NTRK3: variants seen among roughly 807,000 people sequenced by gnomAD.
NTRK3 encodes NT-3 growth factor receptor.
NTRK3 carries 24 observed loss-of-function variants against 91.7 expected under a neutral mutation model. That is an observed-to-expected ratio of 0.26 (90% confidence interval 0.19 to 0.37). The LOEUF (loss-of-function observed/expected upper bound fraction) is 0.37. Among genes scored for constraint, NTRK3 ranks in the 10% least tolerant of loss-of-function variants. The pLI is 1.00. For missense variants in NTRK3, 880 were observed against 1,068.9 expected, an observed-to-expected ratio of 0.82 and a Z score of 2.46; for synonymous variants, 483 against 404.0, an observed-to-expected ratio of 1.20 and a Z score of -2.34.
chr15:88,043,173 C>A (rs1021471895), intron 13 of NTRK3, among the ~76,000 whole-genome samples: 1 of 152,152 alleles, frequency 6.6e-6, no homozygotes, highest in Non-Finnish European at 1.5e-5. Context: ...AAACAAGCAT[C>A]CTGGAGGGAA....
At chr15:88,037,917 G>T (rs943748843) in intron 13 of NTRK3, among the ~76,000 whole-genome samples, 1 of 152,184 alleles carries the variant, frequency 6.6e-6, no homozygotes, top group Non-Finnish European at 1.5e-5. Context: ...CCTGCCCAAG[G>T]ACAGATGCCT....
chr15:88,214,869 C>T (rs1010856763), intron 3 of NTRK3, among the ~76,000 whole-genome samples: 4 of 152,138 alleles, frequency 2.6e-5, no homozygotes, highest in East Asian at 3.9e-4. Context: ...GCAGGGCTGT[C>T]GGGGCTCATC....
intron 11 of NTRK3, among the ~76,000 whole-genome samples, chr15:88,128,235 T>C (rs1045183523): frequency 6.6e-6 from 1 of 152,246 alleles, no homozygotes; most frequent in Admixed American, 6.5e-5. Flanking sequence ...CAATAATTCC[T>C]TCTGAGGACA....
At chr15:88,098,601 G>A (rs1026622833) in intron 13 of NTRK3, 6 of 230,648 alleles carry the variant, frequency 2.6e-5, no homozygotes, top group African/African-American at 6.6e-5. Context: ...CCAGATAGCG[G>A]GCCAGCTATG....
chr15:87,928,106 A>C (rs2068483713), intron 17 of NTRK3: 1 of 152,308 alleles, frequency 6.6e-6, no homozygotes, highest in Non-Finnish European at 1.5e-5. Context: ...CAACCTCCCG[A>C]GTAGCTGGGA....
At chr15:87,865,542 A>G (rs2064645163) in exon 19 of NTRK3, 2 of 216,686 alleles carry the variant, frequency 9.2e-6, no homozygotes, top group Non-Finnish European at 1.9e-5. Flanking sequence ...CCATGTACAA[A>G]TGCTGGTCCT....
chr15:87,900,415 A>C (rs1321631866), intron 17 of NTRK3, among the ~76,000 whole-genome samples: 1 of 152,144 alleles, frequency 6.6e-6, no homozygotes, highest in Admixed American at 6.5e-5. Context: ...TAGTGAAAAG[A>C]GCACTGGATT....
intron 14 of NTRK3, among the ~76,000 whole-genome samples, chr15:88,012,091 C>T (rs924439790): frequency 6.6e-6 from 1 of 152,162 alleles, no homozygotes; most frequent in Non-Finnish European, 1.5e-5. Context: ...CCACCCTGTA[C>T]CCTACGGCCT....
intron 3 of NTRK3, among the ~76,000 whole-genome samples, chr15:88,212,512 G>A (rs1389913913): frequency 1.3e-5 from 2 of 152,194 alleles, no homozygotes; most frequent in Non-Finnish European, 2.9e-5. Context: ...GGCAAGGTGT[G>A]TAAAGGGTAA....
At chr15:87,973,063 C>G (rs920129865) in intron 14 of NTRK3, among the ~76,000 whole-genome samples, 1 of 152,128 alleles carries the variant, frequency 6.6e-6, no homozygotes, top group Non-Finnish European at 1.5e-5. Flanking sequence ...CATCCTGGCC[C>G]AGGAGCATAC....
At chr15:88,145,044 T>C (rs1482361674) in intron 6 of NTRK3, among the ~76,000 whole-genome samples, 2 of 152,110 alleles carry the variant, frequency 1.3e-5, no homozygotes, top group African/African-American at 4.8e-5. Context: ...GGGCCAAAAT[T>C]CTTTCTTCCT....
At chr15:87,952,751 C>A (rs569879807) in intron 14 of NTRK3, among the ~76,000 whole-genome samples, 1 of 152,146 alleles carries the variant, frequency 6.6e-6, no homozygotes, top group African/African-American at 2.4e-5. Flanking sequence ...CCGGGAGTCC[C>A]GAGAGGTCAC....
intron 13 of NTRK3, among the ~76,000 whole-genome samples, chr15:88,097,925 A>T (rs1403471023): frequency 2.0e-5 from 3 of 152,234 alleles, no homozygotes; most frequent in Non-Finnish European, 2.9e-5. Flanking sequence ...TTTCATGGAC[A>T]TTTGCTACTT....
chr15:88,036,870 G>A (rs62022260), intron 13 of NTRK3, among the ~76,000 whole-genome samples: 35,879 of 152,206 alleles, frequency 0.24, 4,831 homozygotes, highest in Middle Eastern at 0.39. Context: ...GGAAGGACAC[G>A]GAAGAGGGAG....
exon 19 of NTRK3, chr15:87,874,458 T>C (rs1195404609): frequency 1.3e-5 from 3 of 231,602 alleles, no homozygotes; most frequent in Non-Finnish European, 2.6e-5. Context: ...TAGGCCATGA[T>C]GAATCAGTGC....
intron 5 of NTRK3, among the ~76,000 whole-genome samples, chr15:88,178,952 T>TA (rs1383764360): frequency 7.9e-5 from 12 of 152,172 alleles, no homozygotes; most frequent in Non-Finnish European, 8.8e-5. Flanking sequence ...TCCTGGGACG[T>TA]AAAAAAGTAC....
At chr15:88,156,266 G>A (rs965785881) in intron 5 of NTRK3, among the ~76,000 whole-genome samples, 3 of 152,182 alleles carry the variant, frequency 2.0e-5, no homozygotes, top group African/African-American at 7.2e-5. Flanking sequence ...AGAGAGGTGA[G>A]CACTTGCCAT....
chr15:88,095,580 C>G (rs2049502636), intron 13 of NTRK3, among the ~76,000 whole-genome samples: 1 of 152,144 alleles, frequency 6.6e-6, no homozygotes, highest in Non-Finnish European at 1.5e-5. Context: ...AGGTCAACAT[C>G]AAATCTGCAA....
At chr15:88,127,520 G>A (rs1358089217) in intron 11 of NTRK3, among the ~76,000 whole-genome samples, 1 of 152,126 alleles carries the variant, frequency 6.6e-6, no homozygotes, top group East Asian at 1.9e-4. Context: ...ACATAACCTG[G>A]GCAACTTGGG....
Sources: allele counts gnomAD v4.1 joint callset (sites outside exome capture counted in the v4.1 genomes callset), GRCh38; gene constraint gnomAD v4.1.1; transcripts MANE v1.5; gene names NCBI Gene and HGNC (gene_info 2026-07-23, HGNC 2026-07-21).